LOC400499: variants seen among roughly 807,000 people sequenced by gnomAD.
chr16:11,372,731 A>G, the LOC400499 span: 5 of 984,076 alleles, frequency 5.1e-6, no homozygotes, highest in African/African-American at 8.7e-5. Flanking sequence ...CATAGACAAA[A>G]TCTCAAACTG....
chr16:11,381,043 G>C, the LOC400499 span: 2 of 152,312 alleles, frequency 1.3e-5, no homozygotes, highest in Non-Finnish European at 2.9e-5. Flanking sequence ...GTACTAGAAC[G>C]GTGCTTTTTA....
the LOC400499 span, among the ~76,000 whole-genome samples, chr16:11,452,069 G>C: frequency 6.6e-6 from 1 of 152,130 alleles, no homozygotes; most frequent in Admixed American, 6.5e-5. Context: ...CAAGTTTTGA[G>C]TCTCCAATTA....
the LOC400499 span, among the ~76,000 whole-genome samples, chr16:11,400,255 G>A: frequency 2.0e-5 from 3 of 151,870 alleles, no homozygotes; most frequent in Middle Eastern, 3.4e-3. Flanking sequence ...CAAAGCACCC[G>A]GCTCATTCCC....
At chr16:11,446,399 C>T in the LOC400499 span, 1 of 680,336 alleles carries the variant, frequency 1.5e-6, no homozygotes. Context: ...CTTAAGCGAT[C>T]TTCTCACCTC....
the LOC400499 span, among the ~76,000 whole-genome samples, chr16:11,444,644 G>C: frequency 1.3e-5 from 2 of 152,166 alleles, no homozygotes; most frequent in Non-Finnish European, 2.9e-5. Flanking sequence ...TCTGGATCCT[G>C]GCATGCAATG....
the LOC400499 span, chr16:11,396,353 A>C: frequency 5.8e-6 from 4 of 693,012 alleles, no homozygotes; most frequent in African/African-American, 7.4e-5. Flanking sequence ...ACCCAGAATG[A>C]AGCTCTGGCC....
At chr16:11,488,940 G>C in the LOC400499 span, 3 of 397,666 alleles carry the variant, frequency 7.5e-6, no homozygotes, top group South Asian at 1.3e-4. Context: ...CCAGAGAAAA[G>C]ACCCTCCCGA....
chr16:11,450,903 A>G, the LOC400499 span: 1 of 1,241,984 alleles, frequency 8.1e-7, no homozygotes, highest in Non-Finnish European at 1.1e-6. Context: ...CGAGAGTCTC[A>G]TCACAGCCGC....
chr16:11,500,511 A>AAATAATAAT, the LOC400499 span, among the ~76,000 whole-genome samples: 15,211 of 143,728 alleles, frequency 0.11, 1,008 homozygotes, highest in African/African-American at 0.18. Context: ...ACTCCGTCCT[A>AAATAATAAT]AATAATAATA....
chr16:11,497,663 C>G, the LOC400499 span, among the ~76,000 whole-genome samples: 1 of 152,206 alleles, frequency 6.6e-6, no homozygotes, highest in Admixed American at 6.5e-5. Flanking sequence ...GCCAGGACAA[C>G]TGGGCCAGCA....
the LOC400499 span, among the ~76,000 whole-genome samples, chr16:11,506,427 G>A: frequency 6.6e-6 from 1 of 152,170 alleles, no homozygotes; most frequent in Admixed American, 6.5e-5. Context: ...GTCCTGTTCT[G>A]CCACTGTCTA....
the LOC400499 span, among the ~76,000 whole-genome samples, chr16:11,458,880 C>T: frequency 6.6e-6 from 1 of 151,038 alleles, no homozygotes; most frequent in Non-Finnish European, 1.5e-5. Flanking sequence ...ACTAAAAATA[C>T]AAAAAAATTA....
the LOC400499 span, among the ~76,000 whole-genome samples, chr16:11,438,607 C>CA: frequency 0.049 from 2,875 of 59,132 alleles, 241 homozygotes; most frequent in African/African-American, 0.15. Context: ...CCTGTCTCTG[C>CA]AAAAAAAAAA....
the LOC400499 span, among the ~76,000 whole-genome samples, chr16:11,386,274 G>C: frequency 6.6e-6 from 1 of 152,218 alleles, no homozygotes; most frequent in Non-Finnish European, 1.5e-5. Context: ...CCTTGCCCGT[G>C]GCCAGGAAGC....
the LOC400499 span, chr16:11,399,098 C>G: frequency 6.8e-4 from 342 of 499,690 alleles, 1 homozygote; most frequent in South Asian, 1.4e-3. Context: ...GAACAGTGCT[C>G]GGCCCCATGA....
At chr16:11,518,859 C>G in the LOC400499 span, 88 of 399,166 alleles carry the variant, frequency 2.2e-4, no homozygotes, top group African/African-American at 1.7e-3. Flanking sequence ...AGCTCCAGCC[C>G]CATCGTGAGC....
chr16:11,454,238 T>C, the LOC400499 span, among the ~76,000 whole-genome samples: 2 of 152,178 alleles, frequency 1.3e-5, no homozygotes, highest in African/African-American at 4.8e-5. Context: ...ACTCAAACTG[T>C]CCCAGTAGAA....
chr16:11,485,233 G>A, the LOC400499 span, among the ~76,000 whole-genome samples: 1 of 152,142 alleles, frequency 6.6e-6, no homozygotes, highest in Admixed American at 6.5e-5. Flanking sequence ...ACACAACCTT[G>A]GGAAATCCAC....
chr16:11,520,359 A>G, the LOC400499 span, among the ~76,000 whole-genome samples: 1 of 152,174 alleles, frequency 6.6e-6, no homozygotes, highest in Non-Finnish European at 1.5e-5. Flanking sequence ...CTATGGTGAT[A>G]GAAATAAAAA....
Sources: gnomAD v4.1 joint callset for allele counts (sites outside exome capture counted in the v4.1 genomes callset) on GRCh38, gnomAD v4.1.1 for gene constraint, MANE v1.5 for transcripts.